PLAUR: variants seen among roughly 807,000 people sequenced by gnomAD.
PLAUR encodes urokinase plasminogen activator surface receptor.
Under a neutral mutation model 33.4 loss-of-function variants are expected in PLAUR, and 22 were observed. The ratio of observed to expected loss-of-function variants is 0.66; its 90% CI spans 0.47 to 0.94. PLAUR has a LOEUF of 0.94. Among genes scored for constraint, PLAUR ranks in the 40% least tolerant of loss-of-function variants. PLAUR has a pLI of 0.00. For missense variants in PLAUR, 408 were observed against 434.7 expected (o/e 0.94, Z 0.55); for synonymous variants, 148 against 167.3 (o/e 0.88, Z 0.89).
At chr19:43,654,705 G>A (rs4251894) in intron 5 of PLAUR, among the ~76,000 whole-genome samples, 2 of 152,136 alleles carry the variant, frequency 1.3e-5, no homozygotes, top group East Asian at 1.9e-4. Flanking sequence ...GTGCACTCCA[G>A]CCTGGGTGAC....
At position 43,667,686 on chromosome 19, in the gene PLAUR, A is replaced by G; in HGVS notation, c.61T>C (p.Trp21Arg). ...LLLHTCVPAS[W>R]GLRCMQCKTN... is the part of the protein sequence containing the mutation. ...TTACACTGCATGCACCGCAGGCCCCAAGAGGCTGGGGGAAGGAGGGAGAGG... is the reference window on the plus strand; with the variant it reads ...TTACACTGCATGCACCGCAGGCCCCGAGAGGCTGGGGGAAGGAGGGAGAGG... Residue 21 changes from tryptophan (W) to arginine (R), a missense_variant, in exon 2 of 7, where the codon TGG becomes CGG. Coordinates refer to ENST00000340093, the MANE Select transcript of PLAUR (RefSeq NM_002659.4). 1 of 1,613,510 alleles carries G rather than the reference A, an allele frequency of 6.2e-7. No individual in the cohort carries two copies. The highest frequency in any genetic ancestry group is 8.5e-7 in the Non-Finnish European group (1 of 1,179,710).
chr19:43,664,186 C>T (rs148940670), intron 3 of PLAUR, among the ~76,000 whole-genome samples: 3 of 151,416 alleles, frequency 2.0e-5, no homozygotes, highest in East Asian at 1.9e-4. Context: ...CTGATTTGGC[C>T]CCACCAGCGG....
intron 4 of PLAUR, 23 bp from the exon 5 acceptor site, chr19:43,655,596 G>A: frequency 6.2e-7 from 1 of 1,603,752 alleles, no homozygotes. Context: ...GGGGACAGAG[G>A]TCAGATGTCA....
intron 5 of PLAUR, among the ~76,000 whole-genome samples, chr19:43,655,202 G>A (rs543978208): frequency 1.4e-5 from 2 of 147,162 alleles, no homozygotes; most frequent in Admixed American, 6.9e-5. Flanking sequence ...GCTTGAACTC[G>A]TGAGGCGAAG....
At chr19:43,650,416 C>A (rs1031436418) in intron 6 of PLAUR, among the ~76,000 whole-genome samples, 1 of 151,808 alleles carries the variant, frequency 6.6e-6, no homozygotes, top group Non-Finnish European at 1.5e-5. Context: ...ACCTCCACCT[C>A]CCAGGCTCAA....
In PLAUR at chr19:43,667,681, G is replaced by A; in HGVS notation, c.66C>T (p.Gly22=). The A allele has an allele frequency of 6.2e-7, 1 of 1,613,568 alleles. No homozygotes were observed. The highest frequency in any genetic ancestry group is 1.1e-5 in the South Asian group (1 of 91,080). Residue 22 remains glycine (G), a synonymous_variant, in exon 2 of 7, where the codon GGC becomes GGT. Transcript: ENST00000340093. ...TGGTCTTACACTGCATGCACCGCAG[G>A]CCCCAAGAGGCTGGGGGAAGGAGGG... ...LLHTCVPASW[G]LRCMQCKTNG... is the part of the protein sequence containing the mutation.
intron 6 of PLAUR, among the ~76,000 whole-genome samples, chr19:43,651,582 A>G (rs906943335): frequency 1.3e-5 from 2 of 151,750 alleles, no homozygotes; most frequent in Non-Finnish European, 2.9e-5. Flanking sequence ...TTATAGGTGC[A>G]CGCCACCACA....
chr19:43,661,973 C>T (rs542618118), intron 3 of PLAUR, among the ~76,000 whole-genome samples: 188 of 151,016 alleles, frequency 1.2e-3, no homozygotes, highest in African/African-American at 4.2e-3. Flanking sequence ...ATCAAGCAGT[C>T]CTCCTGCCTT....
chr19:43,653,685 G>T (rs953778072), intron 5 of PLAUR, among the ~76,000 whole-genome samples: 1 of 147,224 alleles, frequency 6.8e-6, no homozygotes, highest in Non-Finnish European at 1.5e-5. Flanking sequence ...AAGAAAGAAA[G>T]AAACTAAATG....
intron 1 of PLAUR, among the ~76,000 whole-genome samples, chr19:43,669,809 CAAAAAAAAAAA>C (rs59728904): frequency 2.8e-5 from 2 of 71,192 alleles, no homozygotes; most frequent in African/African-American, 1.1e-4. Flanking sequence ...GAGACTCTGT[CAAAAAAAAAAA>C]AAAAAAAAAA....
intron 1 of PLAUR, among the ~76,000 whole-genome samples, chr19:43,669,580 G>T (rs952206524): frequency 6.6e-6 from 1 of 152,118 alleles, no homozygotes; most frequent in Non-Finnish European, 1.5e-5. Context: ...GGGAGGCCGA[G>T]GCAGGTGGAT....
At position 43,655,557 on chromosome 19, in the gene PLAUR, G is replaced by T; in HGVS notation, c.489C>A (p.Asp163Glu). Reference protein sequence around the residue: ...QEGEEGRPKDDRHLRGCGYLP... With the variant: ...QEGEEGRPKDERHLRGCGYLP... ...GGTAGCCACAGCCACGGAGGTGGCG[G>T]TCATCCTTTGGACGCCCTATGGGGG... Residue 163 changes from aspartate to glutamate, a missense_variant, in exon 5 of 7, where the codon GAC (aspartate) becomes GAA (glutamate). Asp to Glu is a conservative substitution (Grantham distance 45). Coordinates refer to ENST00000340093, the MANE Select transcript of PLAUR (RefSeq NM_002659.4). The T allele has an allele frequency of 6.2e-7, 1 of 1,614,082 alleles. No homozygotes were observed. Among genetic ancestry groups the T allele is most frequent in the Non-Finnish European group, 8.5e-7 (1 of 1,179,946 alleles).
rs141191363 is a variant in PLAUR at position 43,661,772 on chromosome 19, C to T, written c.310+3544G>A. On this transcript the variant is annotated intron_variant, in intron 3 of 6. Coordinates refer to ENST00000340093, the MANE Select transcript of PLAUR (RefSeq NM_002659.4). ...TTATTTGTCCAGCATTTGCAACTGT[C>T]ATTGGCAGAAGGGTTGGTCTGATAC... Among the ~76,000 whole-genome samples the T allele has an allele frequency of 6.4e-3, 973 of 152,290 alleles. 5 individuals are homozygous for T. Among genetic ancestry groups the T allele is most frequent in the Middle Eastern group, 0.031 (9 of 294 alleles).
At chr19:43,667,446 C>G in intron 2 of PLAUR, 135 bp downstream of exon 2, 1 of 650,090 alleles carries the variant, frequency 1.5e-6, no homozygotes, top group South Asian at 1.8e-5. Context: ...GCTTGCCAAT[C>G]TGGTGGGTGT....
At chr19:43,650,310 G>GTT (rs1198012015) in intron 6 of PLAUR, among the ~76,000 whole-genome samples, 1 of 144,180 alleles carries the variant, frequency 6.9e-6, no homozygotes. Context: ...CGCCTGGCTG[G>GTT]TTTTTTTTTT....
chr19:43,653,136 C>G (rs1405336520), intron 5 of PLAUR, among the ~76,000 whole-genome samples: 1 of 152,144 alleles, frequency 6.6e-6, no homozygotes, highest in Non-Finnish European at 1.5e-5. Flanking sequence ...TAGAGCTACA[C>G]TACCCAATCT....
intron 6 of PLAUR, among the ~76,000 whole-genome samples, chr19:43,649,821 G>A (rs1973920437): frequency 6.6e-6 from 1 of 152,102 alleles, no homozygotes; most frequent in African/African-American, 2.4e-5. Flanking sequence ...CCTTTCAGGA[G>A]ATCTGTGATT....
chr19:43,655,621 G>T (rs977762105), intron 4 of PLAUR, 48 bp from the exon 5 acceptor site: 2 of 1,569,094 alleles, frequency 1.3e-6, no homozygotes, highest in Non-Finnish European at 1.7e-6. Flanking sequence ...GTGAATGAGG[G>T]ACTAAGATGG....
chr19:43,650,445 C>T (rs993630714), intron 6 of PLAUR, among the ~76,000 whole-genome samples: 3 of 151,850 alleles, frequency 2.0e-5, no homozygotes, highest in Non-Finnish European at 4.4e-5. Flanking sequence ...CCCACCTCAG[C>T]CTCCCAAGCA....
Sources: gnomAD v4.1 joint callset for allele counts (sites outside exome capture counted in the v4.1 genomes callset) on GRCh38, gnomAD v4.1.1 for gene constraint, MANE v1.5 for transcripts, NCBI Gene and HGNC (gene_info 2026-07-23, HGNC 2026-07-21) for gene names.